The following RP1 variants were observed in gnomAD, a reference collection of about 807,000 sequenced individuals.
The protein encoded by RP1 is RP1 axonemal microtubule associated.
A neutral mutation model predicts 14.8 loss-of-function variants in RP1; 16 were observed. The ratio of observed to expected loss-of-function variants is 1.08; its 90% CI spans 0.73 to 1.65. The LOEUF (loss-of-function observed/expected upper bound fraction) is 1.65, where lower values mean the gene tolerates loss of function less well. Ranked by LOEUF, RP1 falls within the 40% of genes most tolerant of loss-of-function variation. RP1 has a pLI of 0.00. For missense variants in RP1, 2,631 were observed against 2,535.0 expected, an observed-to-expected ratio of 1.04 and a Z score of -0.81; for synonymous variants, 876 against 883.6, an observed-to-expected ratio of 0.99 and a Z score of 0.15.
chr8:54,570,888 T>G (rs1325498048), intron 1 of RP1, among the ~76,000 whole-genome samples: 2 of 152,232 alleles, frequency 1.3e-5, no homozygotes, highest in Non-Finnish European at 2.9e-5. Context: ...AAGTGACTCA[T>G]GCCGTGAGTC....
Position 54,823,868 on chromosome 8 carries a change from G to C in RP1, c.3616-13582G>C, listed in dbSNP as rs1380787778. ...GTAGTGTATTATGGAAACTGTCAAA[G>C]TATTTTCCAGACTGTACTATTTTAT... On this transcript the variant is annotated intron_variant, in intron 24 of 28. Coordinates refer to the RP1 transcript ENST00000637698. Among the ~76,000 whole-genome samples the C allele has an allele frequency of 3.3e-5, 5 of 152,266 alleles. No individual in the cohort carries two copies. The South Asian group carries it at 1.0e-3, about 32-fold the overall frequency.
intron 27 of RP1, chr8:54,857,167 A>G (rs1812224050): frequency 1.7e-6 from 1 of 595,784 alleles, no homozygotes; most frequent in African/African-American, 1.9e-5. Context: ...TCGTATAAGA[A>G]GCAGGTGAAA....
intron 1 of RP1, among the ~76,000 whole-genome samples, chr8:54,608,907 G>A (rs1196702485): frequency 6.6e-6 from 1 of 152,142 alleles, no homozygotes; most frequent in Admixed American, 6.5e-5. Flanking sequence ...CTTATCTGTA[G>A]TCACATGGAC....
chr8:54,830,300 A>T (rs541503453), intron 24 of RP1, among the ~76,000 whole-genome samples: 4,060 of 148,824 alleles, frequency 0.027, 135 homozygotes, highest in African/African-American at 0.094. Flanking sequence ...TTTTTTTTAT[A>T]CTTTAAGTTC....
chr8:54,785,203 T>G (rs1350673317), intron 24 of RP1, among the ~76,000 whole-genome samples: 3 of 152,092 alleles, frequency 2.0e-5, no homozygotes, highest in Non-Finnish European at 4.4e-5. Flanking sequence ...AAACTAGTAA[T>G]CTACTTTCTG....
At chr8:54,678,760 G>A (rs1807357695) in intron 9 of RP1, among the ~76,000 whole-genome samples, 1 of 152,090 alleles carries the variant, frequency 6.6e-6, no homozygotes. Flanking sequence ...GGTAAATTAA[G>A]ATAGATTCTT....
At chr8:54,668,546 A>C (rs566771813) in intron 7 of RP1, among the ~76,000 whole-genome samples, 201 of 152,312 alleles carry the variant, frequency 1.3e-3, no homozygotes, top group African/African-American at 4.7e-3. Context: ...ATGTGGAACC[A>C]AAAAAGAGCC....
intron 24 of RP1, among the ~76,000 whole-genome samples, chr8:54,792,600 A>G (rs78617364): frequency 0.029 from 4,363 of 152,008 alleles, 121 homozygotes; most frequent in African/African-American, 0.064. Flanking sequence ...ACACTTCTCA[A>G]TGATTAAGGA....
chr8:54,590,035 C>T (rs1805013275), intron 1 of RP1, among the ~76,000 whole-genome samples: 1 of 152,134 alleles, frequency 6.6e-6, no homozygotes, highest in Admixed American at 6.6e-5. Flanking sequence ...ACATCATCTG[C>T]CTTCCTTCTG....
chr8:54,848,075 C>T (rs1017910055), intron 25 of RP1, among the ~76,000 whole-genome samples: 6 of 152,206 alleles, frequency 3.9e-5, no homozygotes, highest in African/African-American at 1.4e-4. Context: ...CTCTCTCTCC[C>T]TCCTCTCCTG....
At chr8:54,605,627 C>G (rs202244610) in intron 1 of RP1, among the ~76,000 whole-genome samples, 1 of 152,158 alleles carries the variant, frequency 6.6e-6, no homozygotes, top group East Asian at 1.9e-4. Flanking sequence ...CTGTCTAATG[C>G]TGACAGTGGG....
chr8:54,673,344 A>T (rs1332916672), intron 7 of RP1, among the ~76,000 whole-genome samples: 1 of 152,136 alleles, frequency 6.6e-6, no homozygotes, highest in Non-Finnish European at 1.5e-5. Flanking sequence ...CTTTGACTTT[A>T]TCGGAAGTAT....
At chr8:54,595,818 T>G (rs965219455) in intron 1 of RP1, among the ~76,000 whole-genome samples, 1 of 152,220 alleles carries the variant, frequency 6.6e-6, no homozygotes, top group African/African-American at 2.4e-5. Flanking sequence ...GCTATTTCCT[T>G]TTATTATAAA....
intron 23 of RP1, among the ~76,000 whole-genome samples, chr8:54,777,193 A>G (rs1253339695): frequency 6.6e-6 from 1 of 152,180 alleles, no homozygotes. Flanking sequence ...TATCCAATAA[A>G]CACTAGCTTT....
rs189588092 is a variant in RP1, at chr8:54,590,877, T to A, written c.-12-30078T>A. 7.2e-5 allele frequency among the ~76,000 whole-genome samples: 11 copies of A among 152,322 alleles called. No homozygotes were observed. The East Asian group carries it at 9.7e-4, about 13-fold the overall frequency. On this transcript the variant is annotated intron_variant, in intron 1 of 22. Coordinates refer to the RP1 transcript ENST00000636932. ...CACAGCTGAAATATAATTACAGATG[T>A]CAGCCTTCATCCACTCTCCTCTTCT...
At chr8:54,734,160 C>CT (rs1175821435) in intron 17 of RP1, among the ~76,000 whole-genome samples, 1 of 152,040 alleles carries the variant, frequency 6.6e-6, no homozygotes, top group Non-Finnish European at 1.5e-5. Flanking sequence ...TTTAATTCCC[C>CT]TTTTTTGTTA....
chr8:54,614,981 C>T (rs182788353), upstream of RP1, among the ~76,000 whole-genome samples: 1 of 152,256 alleles, frequency 6.6e-6, no homozygotes, highest in African/African-American at 2.4e-5. Context: ...TATCTGATCC[C>T]AAACTTTTTG....
At chr8:54,735,802 T>C (rs1808904184) in intron 18 of RP1, among the ~76,000 whole-genome samples, 1 of 152,202 alleles carries the variant, frequency 6.6e-6, no homozygotes, top group Non-Finnish European at 1.5e-5. Context: ...GGTTAGATCC[T>C]TAAGTCACCC....
chr8:54,706,961 C>A (rs1439475068), intron 15 of RP1, among the ~76,000 whole-genome samples: 1 of 152,100 alleles, frequency 6.6e-6, no homozygotes, highest in Non-Finnish European at 1.5e-5. Flanking sequence ...TTCTAACAAG[C>A]TCTCAGCTGT....
Sources: allele counts gnomAD v4.1 joint callset (sites outside exome capture counted in the v4.1 genomes callset), GRCh38; gene constraint gnomAD v4.1.1; transcripts MANE v1.5; gene names NCBI Gene and HGNC (gene_info 2026-07-23, HGNC 2026-07-21).